AGBL4: variants seen among roughly 807,000 people sequenced by gnomAD.
AGBL4 encodes AGBL carboxypeptidase 4.
In AGBL4, 58 loss-of-function variants were observed where a neutral mutation model predicts 66.4. The ratio of observed to expected loss-of-function variants is 0.87; its 90% confidence interval spans 0.71 to 1.09. The LOEUF (loss-of-function observed/expected upper bound fraction) is 1.09. Ranked by LOEUF, AGBL4 falls within the 50% of genes least tolerant of loss-of-function variation. The pLI, the probability that AGBL4 is intolerant of heterozygous loss-of-function variation, is 0.00. For missense variants in AGBL4, 579 were observed against 631.0 expected (o/e 0.92, Z 0.88); for synonymous variants, 234 against 222.9 (o/e 1.05, Z -0.44).
At chr1:49,293,127 A>G (rs1384499724) in intron 3 of AGBL4, among the ~76,000 whole-genome samples, 1 of 152,192 alleles carries the variant, frequency 6.6e-6, no homozygotes, top group Non-Finnish European at 1.5e-5. Flanking sequence ...CAGCCATGGA[A>G]GTTGCTTGTG....
At chr1:48,892,706 G>A (rs1185578034) in intron 5 of AGBL4, among the ~76,000 whole-genome samples, 1 of 152,192 alleles carries the variant, frequency 6.6e-6, no homozygotes, top group African/African-American at 2.4e-5. Flanking sequence ...TTATCTCAGT[G>A]AGCAGAGGGA....
intron 3 of AGBL4, among the ~76,000 whole-genome samples, chr1:49,398,335 CTCTCT>C (rs1645015009): frequency 4.8e-4 from 5 of 10,490 alleles, no homozygotes; most frequent in Non-Finnish European, 9.0e-4. Context: ...CTCTCTCTTT[CTCTCT>C]CTCTCTCTCT....
chr1:49,741,999 G>T (rs1650535813), intron 2 of AGBL4, among the ~76,000 whole-genome samples: 1 of 152,316 alleles, frequency 6.6e-6, no homozygotes, highest in African/African-American at 2.4e-5. Context: ...ACAAGACAGG[G>T]ATGCCCTCTC....
intron 6 of AGBL4, among the ~76,000 whole-genome samples, chr1:48,664,965 C>T (rs753115986): frequency 6.6e-6 from 1 of 152,182 alleles, no homozygotes; most frequent in Non-Finnish European, 1.5e-5. Context: ...TAGGATTTCT[C>T]CTTCTGAAAT....
chr1:49,233,273 C>G (rs1370420234), intron 4 of AGBL4, among the ~76,000 whole-genome samples: 1 of 152,000 alleles, frequency 6.6e-6, no homozygotes, highest in African/African-American at 2.4e-5. Flanking sequence ...ACATATGGCC[C>G]CAAATAAATC....
chr1:49,585,743 C>T (rs993690384), intron 3 of AGBL4, among the ~76,000 whole-genome samples: 1 of 152,134 alleles, frequency 6.6e-6, no homozygotes, highest in Non-Finnish European at 1.5e-5. Context: ...ACTTATTACA[C>T]ATTAATTAGA....
At chr1:49,207,542 T>TTTCCTTTCTTTCTTTCTTTC (rs1217267952) in intron 4 of AGBL4, among the ~76,000 whole-genome samples, 14 of 78,030 alleles carry the variant, frequency 1.8e-4, no homozygotes, top group Admixed American at 1.1e-3. Context: ...TTTTTCTTTC[T>TTTCCTTTCTTTCTTTCTTTC]TTTCTTTCTT....
At chr1:48,859,561 T>A (rs1570852943) in intron 6 of AGBL4, among the ~76,000 whole-genome samples, 1 of 152,282 alleles carries the variant, frequency 6.6e-6, no homozygotes, top group East Asian at 1.9e-4. Context: ...AAGGTCTGCT[T>A]CTTAGTGAAC....
At chr1:49,432,151 G>T (rs1425010392) in intron 3 of AGBL4, among the ~76,000 whole-genome samples, 1 of 152,114 alleles carries the variant, frequency 6.6e-6, no homozygotes, top group African/African-American at 2.4e-5. Context: ...CCAGCACCTG[G>T]ACCTATTTAC....
chr1:48,735,100 T>C (rs968999667), intron 6 of AGBL4, among the ~76,000 whole-genome samples: 1 of 152,250 alleles, frequency 6.6e-6, no homozygotes, highest in African/African-American at 2.4e-5. Context: ...ATGAGGATAA[T>C]GAGTTAACAT....
intron 3 of AGBL4, among the ~76,000 whole-genome samples, chr1:49,285,603 A>G (rs904872975): frequency 2.6e-5 from 4 of 152,194 alleles, no homozygotes; most frequent in Non-Finnish European, 4.4e-5. Context: ...GAAAGGATCA[A>G]CAAAATTGAT....
chr1:49,613,432 C>A (rs1645190392), intron 3 of AGBL4, among the ~76,000 whole-genome samples: 1 of 152,176 alleles, frequency 6.6e-6, no homozygotes, highest in African/African-American at 2.4e-5. Flanking sequence ...TGTTAGGAAC[C>A]AGGCCACACA....
At chr1:48,777,418 A>G (rs1257548728) in intron 6 of AGBL4, among the ~76,000 whole-genome samples, 1 of 151,444 alleles carries the variant, frequency 6.6e-6, no homozygotes, top group Non-Finnish European at 1.5e-5. Context: ...TAGCCACCCT[A>G]CCCGCGCCCC....
chr1:48,668,796 AATGGATGTTG>A (rs1234478345), intron 6 of AGBL4, among the ~76,000 whole-genome samples: 2 of 150,480 alleles, frequency 1.3e-5, no homozygotes, highest in Non-Finnish European at 2.9e-5. Flanking sequence ...ATAAAGAGGG[AATGGATGTTG>A]TGAATTATAG....
At chr1:49,030,891 T>G (rs1034109478) in intron 5 of AGBL4, among the ~76,000 whole-genome samples, 21 of 151,754 alleles carry the variant, frequency 1.4e-4, no homozygotes, top group Admixed American at 6.6e-5. Flanking sequence ...TTAAAAATTT[T>G]ATGCTATAAA....
At chr1:48,883,535 T>G (rs1649991755) in intron 5 of AGBL4, among the ~76,000 whole-genome samples, 1 of 152,234 alleles carries the variant, frequency 6.6e-6, no homozygotes, top group Admixed American at 6.6e-5. Context: ...CCGTCCCCAC[T>G]GCGGATTGGT....
intron 1 of AGBL4, among the ~76,000 whole-genome samples, chr1:49,946,621 C>A (rs1489456219): frequency 1.3e-5 from 2 of 151,696 alleles, no homozygotes; most frequent in Non-Finnish European, 2.9e-5. Flanking sequence ...AGAGCCCTAA[C>A]AGACAAAGAT....
intron 6 of AGBL4, among the ~76,000 whole-genome samples, chr1:48,686,994 T>C (rs1031220374): frequency 1.9e-4 from 27 of 143,098 alleles, no homozygotes; most frequent in Admixed American, 3.7e-4. Flanking sequence ...GTCTGGTCAG[T>C]ACCAGGTAAT....
rs1395957624 is a variant in AGBL4, at chr1:49,948,034, A to ATG, written c.34+75728_34+75729insCA. 6.4e-4 allele frequency among the ~76,000 whole-genome samples: 14 copies of ATG among 21,974 alleles called. 2 individuals carry two copies. The South Asian group carries it at 0.014, about 21-fold the overall frequency. The allele number at this position is 21,974 out of a possible 152,430, so 14.4% of individuals were successfully genotyped here. ...AATATATAAATATATATAAATATAT[A>ATG]TACATATAAATATATAAATATATAT... On this transcript the variant is annotated intron_variant, in intron 1 of 13. Transcript: ENST00000371839.
Sources: gnomAD v4.1 joint callset for allele counts (sites outside exome capture counted in the v4.1 genomes callset) on GRCh38, gnomAD v4.1.1 for gene constraint, MANE v1.5 for transcripts, NCBI Gene and HGNC (gene_info 2026-07-23, HGNC 2026-07-21) for gene names.